Variants in PTPRG observed in about 807,000 individuals in gnomAD.
PTPRG encodes the protein receptor-type tyrosine-protein phosphatase gamma.
In PTPRG, 102 loss-of-function variants were observed where a neutral mutation model predicts 165.3. That is an observed-to-expected ratio of 0.62 (90% CI 0.53 to 0.73). The LOEUF is 0.73. PTPRG is among the 30% of genes least tolerant of loss of function. PTPRG has a pLI of 0.00. For missense variants in PTPRG, 1,866 were observed against 1,861.4 expected (o/e 1.00, Z -0.05); for synonymous variants, 675 against 669.5 (o/e 1.01, Z -0.13).
chr3:61,945,584 A>AT (rs2039739300), intron 2 of PTPRG, among the ~76,000 whole-genome samples: 1 of 149,928 alleles, frequency 6.7e-6, no homozygotes, highest in Non-Finnish European at 1.5e-5. Flanking sequence ...AAAAAAAAAA[A>AT]AAAAATGGAA....
chr3:62,124,750 G>C (rs1028982216), intron 5 of PTPRG: 3 of 500,642 alleles, frequency 6.0e-6, no homozygotes, highest in African/African-American at 5.8e-5. Flanking sequence ...TTCTTTTCTA[G>C]AGATGTTGTG....
intron 2 of PTPRG, among the ~76,000 whole-genome samples, chr3:61,837,421 T>A (rs1228710862): frequency 6.6e-6 from 1 of 152,206 alleles, no homozygotes; most frequent in Non-Finnish European, 1.5e-5. Flanking sequence ...AAATGTGGGA[T>A]ACAGTAAAGT....
At chr3:61,617,147 C>T (rs533581354) in intron 1 of PTPRG, among the ~76,000 whole-genome samples, 2 of 152,340 alleles carry the variant, frequency 1.3e-5, no homozygotes, top group East Asian at 3.9e-4. Context: ...GTCACATGGT[C>T]AAGCTCCAAG....
At chr3:61,960,600 T>A (rs1320737826) in intron 2 of PTPRG, among the ~76,000 whole-genome samples, 1 of 152,158 alleles carries the variant, frequency 6.6e-6, no homozygotes, top group Non-Finnish European at 1.5e-5. Flanking sequence ...GACAGCCAAC[T>A]AGAGTCATTG....
chr3:61,569,107 T>C (rs1399877262), intron 1 of PTPRG, among the ~76,000 whole-genome samples: 2 of 152,182 alleles, frequency 1.3e-5, no homozygotes, highest in African/African-American at 4.8e-5. Context: ...GTCAGCCAGT[T>C]GATGAGAGTT....
chr3:62,293,486 CCT>C lies in PTPRG; in HGVS notation c.*182_*183del, dbSNP rs972504137. On this transcript the variant is annotated 3_prime_UTR_variant, in exon 30 of 30. Transcript: ENST00000474889. ...AATGGTATCCTACTGAGCATTTGCA[CCT>C]CTGTTCATTTCACACAGTGAAACGC... is the stretch of plus-strand genomic sequence containing the variant. 1 of 489,422 alleles carries C rather than the reference CCT, an allele frequency of 2.0e-6. No individual in the cohort carries two copies. Among genetic ancestry groups the C allele is most frequent in the Non-Finnish European group, 3.5e-6 (1 of 288,454 alleles). The allele number at this position is 489,422 out of a possible 1,614,324, so 30.3% of individuals were successfully genotyped here.
intron 15 of PTPRG, among the ~76,000 whole-genome samples, chr3:62,250,529 T>C (rs1359564337): frequency 6.6e-6 from 1 of 152,192 alleles, no homozygotes; most frequent in Non-Finnish European, 1.5e-5. Flanking sequence ...CTGTTTCTCT[T>C]TTTATTTATC....
intron 2 of PTPRG, among the ~76,000 whole-genome samples, chr3:61,763,543 T>TTC (rs1415049100): frequency 4.0e-5 from 6 of 150,450 alleles, no homozygotes; most frequent in Admixed American, 1.3e-4. Context: ...TTTTTGTATT[T>TTC]CTCCTTCGTT....
chr3:61,860,434 CTTTTTTT>C (rs766688465), intron 2 of PTPRG, among the ~76,000 whole-genome samples: 13,667 of 95,982 alleles, frequency 0.14, 905 homozygotes, highest in African/African-American at 0.31. Context: ...GTTTTTGTTC[CTTTTTTT>C]TTTTTTTTTT....
At chr3:62,144,812 A>G (rs572205211) in intron 6 of PTPRG, among the ~76,000 whole-genome samples, 104 of 152,304 alleles carry the variant, frequency 6.8e-4, no homozygotes, top group Middle Eastern at 3.4e-3. Context: ...CTTCTATTTT[A>G]TCACTAATAG....
chr3:61,715,183 G>GTTTTT (rs796135049), intron 1 of PTPRG, among the ~76,000 whole-genome samples: 1 of 141,484 alleles, frequency 7.1e-6, no homozygotes, highest in Non-Finnish European at 1.5e-5. Context: ...TTTTTTCTTT[G>GTTTTT]TTTTTTTTTT....
intron 9 of PTPRG, among the ~76,000 whole-genome samples, chr3:62,193,729 C>T (rs1699894583): frequency 6.6e-6 from 1 of 152,200 alleles, no homozygotes; most frequent in South Asian, 2.1e-4. Context: ...TTCAAGGCAA[C>T]AGCAGCAGGT....
At chr3:61,588,377 G>T (rs1700487111) in intron 1 of PTPRG, among the ~76,000 whole-genome samples, 1 of 151,542 alleles carries the variant, frequency 6.6e-6, no homozygotes, top group Non-Finnish European at 1.5e-5. Flanking sequence ...AAAATTTAAG[G>T]ATAATTTTTT....
intron 9 of PTPRG, among the ~76,000 whole-genome samples, chr3:62,194,703 T>A (rs549512907): frequency 6.6e-6 from 1 of 152,114 alleles, no homozygotes; most frequent in East Asian, 1.9e-4. Context: ...CTCGGGAGGC[T>A]GAGGCAAGAG....
At position 62,252,221 on chromosome 3, in the gene PTPRG, G is replaced by T. The variant is rs1419718984; in HGVS notation, c.2468-2903G>T. On this transcript the variant is annotated intron_variant, in intron 15 of 29. Coordinates refer to ENST00000474889, the MANE Select transcript of PTPRG (RefSeq NM_002841.4). This position sits in a 1 kb window ranked among gnomAD's most constrained non-coding sequence, Gnocchi z 4.6. ...AATTACACTGTTCTTGCTCTCCCTTGTGTTCATCTCTTCACCAACACAAAT... is the reference window on the plus strand; with the variant it reads ...AATTACACTGTTCTTGCTCTCCCTTTTGTTCATCTCTTCACCAACACAAAT... Among the ~76,000 whole-genome samples, 1 of 151,962 alleles carries T rather than the reference G, an allele frequency of 6.6e-6. No individual in the cohort carries two copies. Among genetic ancestry groups the T allele is most frequent in the East Asian group, 1.9e-4 (1 of 5,172 alleles).
At chr3:61,851,943 G>C (rs771694424) in intron 2 of PTPRG, among the ~76,000 whole-genome samples, 4 of 152,076 alleles carry the variant, frequency 2.6e-5, no homozygotes, top group Non-Finnish European at 4.4e-5. Context: ...ATCTAGATTG[G>C]CTGACCCTCA....
At position 62,154,104 on chromosome 3, in the gene PTPRG, C is replaced by T. The variant is rs148877346; in HGVS notation, c.683-2963C>T. On this transcript the variant is annotated intron_variant, in intron 6 of 29. Transcript: ENST00000474889. ...CTAAATCGATGGTTTTCAAAATGTCCCTGGATCCCCTACTCGGCTTCAGCC... is the reference window on the plus strand; with the variant it reads ...CTAAATCGATGGTTTTCAAAATGTCTCTGGATCCCCTACTCGGCTTCAGCC... Among the ~76,000 whole-genome samples, 504 of 152,232 alleles carry T rather than the reference C, an allele frequency of 3.3e-3. 4 individuals carry two copies. Among genetic ancestry groups the T allele is most frequent in the African/African-American group, 0.012 (478 of 41,542 alleles).
intron 2 of PTPRG, among the ~76,000 whole-genome samples, chr3:61,826,400 G>T (rs2036113439): frequency 6.6e-6 from 1 of 152,012 alleles, no homozygotes; most frequent in African/African-American, 2.4e-5. Context: ...GATTAATCCA[G>T]TTCACTGGAG....
At chr3:61,929,272 G>A (rs1276092384) in intron 2 of PTPRG, among the ~76,000 whole-genome samples, 1 of 151,984 alleles carries the variant, frequency 6.6e-6, no homozygotes, top group Non-Finnish European at 1.5e-5. Context: ...TTCTCTCTCT[G>A]GGAATGAATA....
Sources: gnomAD v4.1 joint callset for allele counts (sites outside exome capture counted in the v4.1 genomes callset) on GRCh38, gnomAD v4.1.1 for gene constraint, Gnocchi (gnomAD v3.1) non-coding constraint, MANE v1.5 for transcripts, NCBI Gene and HGNC (gene_info 2026-07-23, HGNC 2026-07-21) for gene names.